TMTC2: variants seen among roughly 807,000 people sequenced by gnomAD.
TMTC2 encodes the protein transmembrane O-mannosyltransferase targeting cadherins 2.
A neutral mutation model predicts 82.4 loss-of-function variants in TMTC2; 43 were observed. The ratio of observed to expected loss-of-function variants is 0.52; its 90% CI spans 0.41 to 0.67. The LOEUF (loss-of-function observed/expected upper bound fraction) is 0.67, where lower values mean the gene tolerates loss of function less well. Among genes scored for constraint, TMTC2 ranks in the 30% least tolerant of loss-of-function variants. The pLI is 0.00. For missense variants in TMTC2, 919 were observed against 1,012.4 expected, an observed-to-expected ratio of 0.91 and a Z score of 1.25; for synonymous variants, 408 against 381.9, an observed-to-expected ratio of 1.07 and a Z score of -0.80.
At chr12:82,843,479 T>C (rs376622872) in intron 1 of TMTC2, among the ~76,000 whole-genome samples, 33 of 152,264 alleles carry the variant, frequency 2.2e-4, no homozygotes, top group African/African-American at 7.9e-4. Flanking sequence ...GTACATTTTG[T>C]AAAATGTAAA....
rs12305791 is a variant in TMTC2 at position 83,038,918 on chromosome 12, A to G, written c.2152+8039A>G. Reference sequence around the variant, plus strand: ...TACTTTAATAAAATATGAAAGAACAAGCACCTTGGTTTTTTTTTTTTTTTT... The same window carrying G: ...TACTTTAATAAAATATGAAAGAACAGGCACCTTGGTTTTTTTTTTTTTTTT... On this transcript the variant is annotated intron_variant, in intron 9 of 11. Transcript: ENST00000321196. 5.5e-3 allele frequency among the ~76,000 whole-genome samples: 823 copies of G among 148,360 alleles called. 7 individuals carry two copies. The highest frequency in any genetic ancestry group is 0.02 in the African/African-American group (782 of 40,076).
chr12:83,115,799 G>A (rs1429679670), intron 11 of TMTC2, among the ~76,000 whole-genome samples: 2 of 151,974 alleles, frequency 1.3e-5, no homozygotes, highest in Non-Finnish European at 2.9e-5. Flanking sequence ...TGTTGTTGTT[G>A]TTGTTGTTTG....
chr12:83,024,365 T>G (rs1205620649), intron 8 of TMTC2, among the ~76,000 whole-genome samples: 1 of 152,206 alleles, frequency 6.6e-6, no homozygotes, highest in Non-Finnish European at 1.5e-5. Context: ...AAACAACATA[T>G]TTTTCAAACT....
intron 9 of TMTC2, among the ~76,000 whole-genome samples, chr12:83,031,881 C>T (rs1211304617): frequency 2.6e-5 from 4 of 152,160 alleles, no homozygotes; most frequent in Non-Finnish European, 5.9e-5. Context: ...CCTAGGGTTG[C>T]AGTGCATTAT....
intron 1 of TMTC2, among the ~76,000 whole-genome samples, chr12:82,793,899 T>C (rs1338405510): frequency 6.6e-6 from 1 of 152,204 alleles, no homozygotes; most frequent in East Asian, 1.9e-4. Flanking sequence ...ATGTTCTTAA[T>C]AGGCTTATCT....
At position 82,718,451 on chromosome 12, in the gene TMTC2, G is replaced by C. The variant is rs76362517; in HGVS notation, c.83+30782G>C. Among the ~76,000 whole-genome samples, 339 of 152,250 alleles carry C rather than the reference G, an allele frequency of 2.2e-3. 2 individuals are homozygous for C. The highest frequency in any genetic ancestry group is 3.8e-3 in the Non-Finnish European group (256 of 68,024). On this transcript the variant is annotated intron_variant, in intron 1 of 11. Transcript: ENST00000321196. ...GTTTTAATTCCCAGGTTTCAGAAAG[G>C]GAAGCTGCAGAAGCCCAGAACATAA...
chr12:82,911,306 C>G (rs552331959), intron 3 of TMTC2, among the ~76,000 whole-genome samples: 1 of 152,168 alleles, frequency 6.6e-6, no homozygotes, highest in East Asian at 1.9e-4. Context: ...GGAGCCCTAG[C>G]AAGGAACCAT....
chr12:83,130,151 T>C (rs530781354), intron 11 of TMTC2, among the ~76,000 whole-genome samples: 1 of 152,340 alleles, frequency 6.6e-6, no homozygotes, highest in East Asian at 1.9e-4. Context: ...AGCAGGAATC[T>C]GAACATTGTA....
At chr12:82,994,552 G>C (rs950664321) in intron 8 of TMTC2, among the ~76,000 whole-genome samples, 2 of 150,966 alleles carry the variant, frequency 1.3e-5, no homozygotes, top group Admixed American at 1.3e-4. Flanking sequence ...CTAGTACTCT[G>C]ATATTCCATA....
chr12:82,781,610 G>A (rs2137009671), intron 1 of TMTC2, among the ~76,000 whole-genome samples: 1 of 151,634 alleles, frequency 6.6e-6, no homozygotes, highest in Non-Finnish European at 1.5e-5. Flanking sequence ...CAGGACAGAA[G>A]TGATTACTAA....
intron 3 of TMTC2, among the ~76,000 whole-genome samples, chr12:82,922,061 C>A (rs2137229746): frequency 6.6e-6 from 1 of 151,998 alleles, no homozygotes; most frequent in Admixed American, 6.5e-5. Flanking sequence ...GAGCCATGAT[C>A]ATGCCACTGC....
chr12:83,029,455 T>C (rs1881330209), intron 8 of TMTC2, among the ~76,000 whole-genome samples: 1 of 152,188 alleles, frequency 6.6e-6, no homozygotes, highest in Non-Finnish European at 1.5e-5. Context: ...ATTAGGTTAA[T>C]TATATACCTC....
chr12:82,820,691 A>G (rs531194440), intron 1 of TMTC2, among the ~76,000 whole-genome samples: 2 of 152,244 alleles, frequency 1.3e-5, no homozygotes, highest in East Asian at 1.9e-4. Flanking sequence ...CTGTATTTCT[A>G]TGTTATGTTT....
At chr12:83,031,899 G>C (rs1881444178) in intron 9 of TMTC2, among the ~76,000 whole-genome samples, 1 of 152,108 alleles carries the variant, frequency 6.6e-6, no homozygotes. Context: ...TATCTTCCCA[G>C]CATTAATGCG....
chr12:83,065,132 T>C (rs1180200674), intron 11 of TMTC2, among the ~76,000 whole-genome samples: 1 of 151,978 alleles, frequency 6.6e-6, no homozygotes. Context: ...CAAAGTAAAA[T>C]ATGAAGCTGC....
rs143972184 is a variant in TMTC2, at chr12:82,687,640, C to T, written c.54C>T (p.Thr18=). ...TGGGGCTCGCCTTGTATCTCAACAC[C>T]CTGAGTGCGGATTTCTGCTATGATG... is the stretch of plus-strand genomic sequence containing the variant. ...SALGLALYLN[T]LSADFCYDDS... Residue 18 remains threonine, a synonymous_variant, in exon 1 of 12, where the codon ACC becomes ACT. Transcript: ENST00000321196. 5.2e-4 allele frequency: 827 copies of T among 1,604,872 alleles called. 7 individuals carry two copies. In the South Asian group the frequency reaches 5.9e-3, roughly 11 times the overall value.
chr12:82,738,236 A>G (rs1875217493), intron 1 of TMTC2, among the ~76,000 whole-genome samples: 1 of 152,168 alleles, frequency 6.6e-6, no homozygotes, highest in African/African-American at 2.4e-5. Flanking sequence ...GCACCAATGT[A>G]TATTTTATCT....
intron 2 of TMTC2, among the ~76,000 whole-genome samples, chr12:82,876,025 T>TGGA (rs1872474676): frequency 4.6e-5 from 4 of 87,342 alleles, no homozygotes; most frequent in Non-Finnish European, 9.1e-5. Flanking sequence ...GTAGTAGTGG[T>TGGA]GGCGGTGGTG....
rs1450115145 is a variant in TMTC2 at position 83,021,607 on chromosome 12, T to TAAA, written c.2071-9191_2071-9190insAAA. ...GAGACCCCATCTATAAAAAAAATTT[T>TAAA]TTTTTAATGTAGAGTCATCTTTGAC... On this transcript the variant is annotated intron_variant, in intron 8 of 11. Transcript: ENST00000321196. Among the ~76,000 whole-genome samples, 44 of 114,508 alleles carry TAAA rather than the reference T, an allele frequency of 3.8e-4. No homozygotes were observed. The South Asian group carries it at 4.6e-3, about 12-fold the overall frequency. The allele number at this position is 114,508 out of a possible 152,430, so 75.1% of individuals were successfully genotyped here. A position where few individuals can be genotyped will look rare whatever the true frequency, so the allele number is the denominator to read the frequency against.
Sources: allele counts gnomAD v4.1 joint callset (sites outside exome capture counted in the v4.1 genomes callset), GRCh38; gene constraint gnomAD v4.1.1; transcripts MANE v1.5; gene names NCBI Gene and HGNC (gene_info 2026-07-23, HGNC 2026-07-21).